GFRA1: variants seen among roughly 807,000 people sequenced by gnomAD.
GFRA1 encodes the protein GDNF family receptor alpha-1.
A neutral mutation model predicts 51.6 loss-of-function variants in GFRA1; 16 were observed. The observed-to-expected ratio is 0.31, with a 90% confidence interval of 0.21 to 0.47. The LOEUF (loss-of-function observed/expected upper bound fraction) is 0.47. Among genes scored for constraint, GFRA1 ranks in the 20% least tolerant of loss-of-function variants. The pLI is 1.00. For missense variants in GFRA1, 530 were observed against 594.3 expected (o/e 0.89, Z 1.13); for synonymous variants, 270 against 241.3 (o/e 1.12, Z -1.10).
intron 4 of GFRA1, among the ~76,000 whole-genome samples, chr10:116,231,327 G>A (rs938484949): frequency 6.6e-6 from 1 of 152,056 alleles, no homozygotes; most frequent in Admixed American, 6.5e-5. Context: ...TGAATTTCCT[G>A]AGCCTCAGTT....
At chr10:116,171,719 A>T (rs1041812187) in intron 5 of GFRA1, among the ~76,000 whole-genome samples, 1 of 152,204 alleles carries the variant, frequency 6.6e-6, no homozygotes, top group East Asian at 1.9e-4. Context: ...ACAGAAGCAC[A>T]TGTTGGCAGC....
At chr10:116,144,159 A>C (rs910769450) in intron 5 of GFRA1, among the ~76,000 whole-genome samples, 3 of 152,180 alleles carry the variant, frequency 2.0e-5, no homozygotes, top group African/African-American at 7.2e-5. Flanking sequence ...GAAATATTGT[A>C]CTGCTAAAAG....
chr10:116,166,835 T>C (rs1050335820), intron 5 of GFRA1, among the ~76,000 whole-genome samples: 1 of 122,708 alleles, frequency 8.1e-6, no homozygotes. Context: ...AGTCTCCCTC[T>C]GTGGCCCAGG....
intron 6 of GFRA1, among the ~76,000 whole-genome samples, chr10:116,099,485 G>A (rs1956733086): frequency 1.3e-5 from 2 of 152,228 alleles, no homozygotes; most frequent in South Asian, 4.2e-4. Flanking sequence ...AAATGAAATG[G>A]GGCAATAGCA....
At chr10:116,189,476 G>A (rs954836640) in intron 5 of GFRA1, among the ~76,000 whole-genome samples, 7 of 151,636 alleles carry the variant, frequency 4.6e-5, no homozygotes, top group African/African-American at 9.7e-5. Context: ...TGATTCCCCC[G>A]CCACCTTCAC....
intron 5 of GFRA1, among the ~76,000 whole-genome samples, chr10:116,143,075 T>A (rs1242529326): frequency 6.6e-6 from 1 of 152,178 alleles, no homozygotes; most frequent in Non-Finnish European, 1.5e-5. Flanking sequence ...TTGCTGCCAG[T>A]GCTGAACAGA....
In GFRA1 at chr10:116,093,705, G is replaced by T; in HGVS notation, c.1012C>A (p.Leu338Ile). The T allele has an allele frequency of 6.2e-7, 1 of 1,613,666 alleles. No homozygotes were observed. The highest frequency in any genetic ancestry group is 8.5e-7 in the Non-Finnish European group (1 of 1,179,566). ...TTCTTATTTTTTACAAACTCACTAA[G>T]ACATGTATTGTCCTTGAAGAAATTC... The part of the protein sequence containing the change: ...FLNFFKDNTC[L>I]KNAIQAFGNG... The change falls in exon 8 of 11, where the codon CTT becomes ATT. Residue 338 changes from leucine (L) to isoleucine (I), a missense_variant. Physicochemically the swap from Leu to Ile is conservative, Grantham distance 5 (BLOSUM62 2). Coordinates refer to ENST00000355422, the MANE Select transcript of GFRA1 (RefSeq NM_005264.8).
At chr10:116,200,432 A>C (rs1964237273) in intron 5 of GFRA1, among the ~76,000 whole-genome samples, 1 of 152,212 alleles carries the variant, frequency 6.6e-6, no homozygotes, top group Admixed American at 6.5e-5. Context: ...AGTTTTGGGA[A>C]TCTATTTCAG....
At chr10:116,064,618 T>A in intron 10 of GFRA1, 74 bp from the exon 11 acceptor site, 1 of 1,330,310 alleles carries the variant, frequency 7.5e-7, no homozygotes, top group Non-Finnish European at 1.1e-6. Flanking sequence ...ACACTCTCTC[T>A]CCCCCCGACT....
intron 5 of GFRA1, among the ~76,000 whole-genome samples, chr10:116,144,578 G>A (rs1332824665): frequency 6.6e-6 from 1 of 151,938 alleles, no homozygotes; most frequent in African/African-American, 2.4e-5. Flanking sequence ...TGTATGAATT[G>A]ACAAATACTA....
chr10:116,086,097 C>T (rs1195657403), intron 9 of GFRA1, among the ~76,000 whole-genome samples: 1 of 152,208 alleles, frequency 6.6e-6, no homozygotes, highest in Non-Finnish European at 1.5e-5. Flanking sequence ...TCACAAGGCT[C>T]TCCCTGGCTC....
chr10:116,124,348 G>A (rs1250576158), intron 6 of GFRA1, among the ~76,000 whole-genome samples: 2 of 151,870 alleles, frequency 1.3e-5, no homozygotes, highest in South Asian at 2.1e-4. Context: ...TCCTGTCTCA[G>A]CCTCCTAAGT....
chr10:116,213,977 T>C (rs959094035), intron 4 of GFRA1, among the ~76,000 whole-genome samples: 41 of 152,354 alleles, frequency 2.7e-4, no homozygotes, highest in Middle Eastern at 3.4e-3. Flanking sequence ...TCTGCTCTAA[T>C]TGATACACAC....
intron 5 of GFRA1, among the ~76,000 whole-genome samples, chr10:116,152,718 G>A (rs192619911): frequency 3.9e-5 from 6 of 152,276 alleles, no homozygotes; most frequent in East Asian, 3.9e-4. Flanking sequence ...GGTATGCTCC[G>A]ATTTAAATAT....
Position 116,125,547 on chromosome 10 carries a change from AATG to A in GFRA1, c.441_443del (p.Ile148del). The A allele has an allele frequency of 6.2e-7, 1 of 1,612,986 alleles. No individual in the cohort carries two copies. Among genetic ancestry groups the A allele is most frequent in the Non-Finnish European group, 8.5e-7 (1 of 1,179,514 alleles). ...CATCCAGGCAGTTGTTCCCTTTGGG[AATG>A]TGCTCCACTGCAAATGCAGAGAAAG... On this transcript the variant is annotated inframe_deletion, in exon 6 of 11. Transcript: ENST00000355422.
At chr10:116,181,395 T>C (rs1962201649) in intron 5 of GFRA1, among the ~76,000 whole-genome samples, 1 of 152,178 alleles carries the variant, frequency 6.6e-6, no homozygotes, top group African/African-American at 2.4e-5. Context: ...AAGTCACCAC[T>C]GCTGGCCTCA....
At chr10:116,122,360 G>A (rs1203971722) in intron 6 of GFRA1, among the ~76,000 whole-genome samples, 2 of 152,158 alleles carry the variant, frequency 1.3e-5, no homozygotes, top group Admixed American at 6.5e-5. Flanking sequence ...GACAAGGGCT[G>A]TCTGCTTCCT....
intron 9 of GFRA1, among the ~76,000 whole-genome samples, chr10:116,072,759 T>TCAAAA (rs751604948): frequency 3.0e-4 from 46 of 152,084 alleles, no homozygotes; most frequent in Admixed American, 7.2e-4. Context: ...AGACTCCATC[T>TCAAAA]CAAAACAAAA....
At chr10:116,230,077 A>G (rs944327335) in intron 4 of GFRA1, among the ~76,000 whole-genome samples, 5 of 152,092 alleles carry the variant, frequency 3.3e-5, no homozygotes, top group Non-Finnish European at 7.3e-5. Flanking sequence ...GAGCGTAATC[A>G]CCCACCCATT....
Sources: gnomAD v4.1 joint callset for allele counts (sites outside exome capture counted in the v4.1 genomes callset) on GRCh38, gnomAD v4.1.1 for gene constraint, MANE v1.5 for transcripts, NCBI Gene and HGNC (gene_info 2026-07-23, HGNC 2026-07-21) for gene names.